Variants in NEU3 observed in about 807,000 individuals in gnomAD.
NEU3 encodes the protein sialidase-3.
NEU3 carries 10 observed loss-of-function variants against 11.4 expected under a neutral mutation model. That is an observed-to-expected ratio of 0.88 (90% CI 0.54 to 1.49). The LOEUF is 1.49. NEU3 is among the 40% of genes most tolerant of loss of function. The pLI, the probability that NEU3 is intolerant of heterozygous loss-of-function variation, is 0.00. For synonymous variants in NEU3, 212 were observed against 228.2 expected, an observed-to-expected ratio of 0.93 and a Z score of 0.64; for missense variants, 529 against 581.8, an observed-to-expected ratio of 0.91 and a Z score of 0.93.
chr11:75,013,230 A>AGCCTTG (rs1948967010), downstream of NEU3, among the ~76,000 whole-genome samples: 2 of 152,054 alleles, frequency 1.3e-5, no homozygotes, highest in African/African-American at 4.8e-5. Flanking sequence ...CATGAGCACA[A>AGCCTTG]CCCTTGCCCA....
chr11:74,981,624 T>C, the NEU3 span, among the ~76,000 whole-genome samples: 1 of 152,184 alleles, frequency 6.6e-6, no homozygotes, highest in Non-Finnish European at 1.5e-5. Flanking sequence ...AATAAAGTTA[T>C]TTGTCTCTGA....
At chr11:75,018,280 G>A (rs1215420413) in intron 3 of NEU3, among the ~76,000 whole-genome samples, 1 of 152,002 alleles carries the variant, frequency 6.6e-6, no homozygotes, top group African/African-American at 2.4e-5. Context: ...ACTTGTGATG[G>A]TTAAAACTGA....
rs1948729279 is a variant in NEU3 at position 74,991,237 on chromosome 11, T to C, written c.94+2083T>C. Among the ~76,000 whole-genome samples the C allele has an allele frequency of 2.0e-5, 3 of 152,166 alleles. No individual in the cohort carries two copies. In the South Asian group the frequency reaches 6.2e-4, roughly 31 times the overall value. The stretch of plus-strand genomic sequence containing the variant: ...CTGAATTGAGGGGAGAGAAGTATGC[T>C]CTAGTATTGAGTGAGAAGATGGTCT... On this transcript the variant is annotated intron_variant, in intron 1 of 2. Transcript: ENST00000294064.
At chr11:74,987,949 G>A (rs1948687650), upstream of NEU3, among the ~76,000 whole-genome samples, 1 of 120,736 alleles carries the variant, frequency 8.3e-6, no homozygotes, top group Non-Finnish European at 1.6e-5. Flanking sequence ...ATTGAGGTTG[G>A]CACCTATGTT....
intron 2 of NEU3, among the ~76,000 whole-genome samples, chr11:74,998,236 T>C (rs143915961): frequency 6.6e-6 from 1 of 152,336 alleles, no homozygotes; most frequent in African/African-American, 2.4e-5. Context: ...AGATCACTGA[T>C]GAAAGATCAC....
At chr11:75,003,651 A>AG (rs963229915) in intron 2 of NEU3, among the ~76,000 whole-genome samples, 32 of 152,280 alleles carry the variant, frequency 2.1e-4, no homozygotes, top group African/African-American at 7.5e-4. Context: ...GCATTTTGAG[A>AG]GGCTGAGGCA....
intron 2 of NEU3, among the ~76,000 whole-genome samples, chr11:75,000,149 T>A (rs1202333792): frequency 6.6e-6 from 1 of 152,212 alleles, no homozygotes; most frequent in Non-Finnish European, 1.5e-5. Flanking sequence ...GGTAGCTACA[T>A]AGCACAATTG....
At chr11:74,993,282 C>T (rs1391600928) in intron 1 of NEU3, among the ~76,000 whole-genome samples, 1 of 152,190 alleles carries the variant, frequency 6.6e-6, no homozygotes, top group Non-Finnish European at 1.5e-5. Flanking sequence ...CAGCTCACTG[C>T]AAGCTCTGCC....
the NEU3 span, among the ~76,000 whole-genome samples, chr11:74,980,651 C>G: frequency 2.0e-5 from 3 of 152,288 alleles, no homozygotes; most frequent in East Asian, 5.8e-4. Context: ...CCCAACCCAC[C>G]CTATGGTCCC....
rs919348520 is a variant in NEU3 at position 75,006,549 on chromosome 11, A to G, written c.*57A>G. 2 of 1,515,968 alleles carry G rather than the reference A, an allele frequency of 1.3e-6. No homozygotes were observed. The highest frequency in any genetic ancestry group is 1.8e-6 in the Non-Finnish European group (2 of 1,131,284). 93.9% of individuals were successfully genotyped at this position (1,515,968 alleles called of 1,614,324 possible). On this transcript the variant is annotated 3_prime_UTR_variant, in exon 3 of 3. Coordinates refer to ENST00000294064, the MANE Select transcript of NEU3 (RefSeq NM_006656.6). Reference sequence around the variant, plus strand: ...ATGGCAGTTACAGACAGGTTAACAGAAGCTACTGAAGTCTACAGATAATCA... The same window carrying G: ...ATGGCAGTTACAGACAGGTTAACAGGAGCTACTGAAGTCTACAGATAATCA...
intron 2 of NEU3, 36 bp downstream of exon 2, chr11:74,994,756 G>C: frequency 1.3e-6 from 2 of 1,571,728 alleles, no homozygotes; most frequent in Non-Finnish European, 1.8e-6. Context: ...CTGGGCCTCA[G>C]TTTCTCTTCA....
rs1425796399 is a variant in NEU3, at chr11:74,990,081, A to C, written c.94+927A>C. 4 of 687,796 alleles carry C rather than the reference A, an allele frequency of 5.8e-6. No homozygotes were observed. In the Admixed American group the frequency reaches 8.3e-5, roughly 14 times the overall value. The allele number at this position is 687,796 out of a possible 1,614,324, so 42.6% of individuals were successfully genotyped here. ...TAATGGCTCTAATTGTTATAGTGAT[A>C]ATAAAGCATAAATGAAATTGTGAGG... On this transcript the variant is annotated intron_variant, in intron 1 of 2. Coordinates refer to ENST00000294064, the MANE Select transcript of NEU3 (RefSeq NM_006656.6).
chr11:74,989,849 G>A, intron 1 of NEU3: 1 of 643,872 alleles, frequency 1.6e-6, no homozygotes, highest in Admixed American at 2.3e-5. Flanking sequence ...TAAGAAAGCG[G>A]GAAGGACTTG....
At position 74,988,940 on chromosome 11, in the gene NEU3, A is replaced by ACG; in HGVS notation, c.-119_-118dup. On this transcript the variant is annotated 5_prime_UTR_variant, in exon 1 of 3. Transcript: ENST00000294064. ...CCGTTACCTGTTTCCGGCAGTCGAC[A>ACG]CGCTCTTCGCTTCTCGGGGCTTGTC... 1 of 770,096 alleles carries ACG rather than the reference A, an allele frequency of 1.3e-6. No homozygotes were observed. Among genetic ancestry groups the ACG allele is most frequent in the Non-Finnish European group, 2.1e-6 (1 of 472,480 alleles). 47.7% of individuals were successfully genotyped at this position (770,096 alleles called of 1,614,324 possible).
upstream of NEU3, among the ~76,000 whole-genome samples, chr11:74,984,010 T>A (rs1212265691): frequency 6.6e-6 from 1 of 152,190 alleles, no homozygotes; most frequent in Non-Finnish European, 1.5e-5. Flanking sequence ...GTTCTGTTGA[T>A]AGTACCTTTA....
rs1948913696 is a variant in NEU3 at position 75,007,807 on chromosome 11, T to C, written c.*1315T>C. 6.6e-6 allele frequency: 1 copy of C among 152,230 alleles called. No homozygotes were observed. Among genetic ancestry groups the C allele is most frequent in the Admixed American group, 6.5e-5 (1 of 15,286 alleles). The allele number at this position is 152,230 out of a possible 1,614,324, so 9.4% of individuals were successfully genotyped here. ...TAGCCTGTTATTGCAACAGAAATTC[T>C]ATCATGAGAGATTTATTTTTTTGTC... is the stretch of plus-strand genomic sequence containing the variant. On this transcript the variant is annotated 3_prime_UTR_variant, in exon 3 of 3. Coordinates refer to ENST00000294064, the MANE Select transcript of NEU3 (RefSeq NM_006656.6).
In NEU3 at chr11:75,005,738, C is replaced by A. The variant is rs781705613; in HGVS notation, c.632C>A (p.Ala211Glu). The A allele has an allele frequency of 6.2e-7, 1 of 1,613,826 alleles. No homozygotes were observed. Among genetic ancestry groups the A allele is most frequent in the African/African-American group, 1.3e-5 (1 of 74,924 alleles). The part of the protein sequence containing the change: ...QLQSGRLVIP[A>E]YTYYIPSWFF... ...CAGTCAGGGAGACTGGTCATCCCTG[C>A]GTATACCTACTACATCCCTTCCTGG... Residue 211 changes from alanine to glutamate, a missense_variant, in exon 3 of 3, where the codon GCG becomes GAG. Coordinates refer to ENST00000294064, the MANE Select transcript of NEU3 (RefSeq NM_006656.6).
intron 2 of NEU3, among the ~76,000 whole-genome samples, chr11:74,997,434 T>C (rs553716758): frequency 6.6e-6 from 1 of 152,358 alleles, no homozygotes; most frequent in South Asian, 2.1e-4. Flanking sequence ...CTTAAGGGAA[T>C]GCTATGGCTG....
At chr11:75,001,803 A>G (rs1361163281) in intron 2 of NEU3, among the ~76,000 whole-genome samples, 1 of 152,210 alleles carries the variant, frequency 6.6e-6, no homozygotes, top group African/African-American at 2.4e-5. Context: ...CTCAGCCACT[A>G]AGGATGACTA....
Sources: gnomAD v4.1 joint callset for allele counts (sites outside exome capture counted in the v4.1 genomes callset) on GRCh38, gnomAD v4.1.1 for gene constraint, MANE v1.5 for transcripts, NCBI Gene and HGNC (gene_info 2026-07-23, HGNC 2026-07-21) for gene names.